Variants in ABTB3 observed in about 807,000 individuals in gnomAD.
The protein encoded by ABTB3 is ankyrin repeat- and BTB/POZ domain-containing protein 3.
chr12:107,324,435 C>G, the ABTB3 span, among the ~76,000 whole-genome samples: 6 of 151,892 alleles, frequency 4.0e-5, no homozygotes, highest in South Asian at 4.2e-4. Context: ...TTGAGACCAG[C>G]TGAAGCAACA....
the ABTB3 span, among the ~76,000 whole-genome samples, chr12:107,507,901 A>G: frequency 3.9e-5 from 6 of 152,240 alleles, no homozygotes; most frequent in Non-Finnish European, 8.8e-5. Flanking sequence ...TGTTTGTGCC[A>G]TCAGTGTAGC....
chr12:107,358,593 CTATT>C, the ABTB3 span, among the ~76,000 whole-genome samples: 13 of 135,848 alleles, frequency 9.6e-5, no homozygotes, highest in East Asian at 2.6e-3. Flanking sequence ...GGTCCACCAT[CTATT>C]TGTTTTTTTT....
At chr12:107,547,876 G>C in the ABTB3 span, among the ~76,000 whole-genome samples, 1 of 152,220 alleles carries the variant, frequency 6.6e-6, no homozygotes, top group Non-Finnish European at 1.5e-5. Flanking sequence ...CCTGGCACAA[G>C]GGGAGCCCCC....
the ABTB3 span, among the ~76,000 whole-genome samples, chr12:107,416,611 G>T: frequency 2.0e-5 from 3 of 152,134 alleles, no homozygotes; most frequent in Non-Finnish European, 4.4e-5. Flanking sequence ...TTGGTTGTCT[G>T]GCCCTGTCGG....
At chr12:107,337,884 G>C in the ABTB3 span, among the ~76,000 whole-genome samples, 1 of 152,204 alleles carries the variant, frequency 6.6e-6, no homozygotes. Context: ...GCAACCACTT[G>C]TCTATCCTCT....
At chr12:107,473,558 G>A in the ABTB3 span, among the ~76,000 whole-genome samples, 1 of 151,786 alleles carries the variant, frequency 6.6e-6, no homozygotes, top group Non-Finnish European at 1.5e-5. Context: ...TTCACCATGT[G>A]GGCCAGGCTG....
chr12:107,458,340 G>A, the ABTB3 span, among the ~76,000 whole-genome samples: 11 of 152,204 alleles, frequency 7.2e-5, no homozygotes, highest in Non-Finnish European at 1.3e-4. Flanking sequence ...CACTCAGTAA[G>A]CAAAGGCAGA....
the ABTB3 span, among the ~76,000 whole-genome samples, chr12:107,480,603 C>G: frequency 6.6e-6 from 1 of 152,056 alleles, no homozygotes; most frequent in Non-Finnish European, 1.5e-5. Context: ...ACAGCTGATC[C>G]CGTTATAAGA....
the ABTB3 span, among the ~76,000 whole-genome samples, chr12:107,477,577 T>G: frequency 6.6e-6 from 1 of 152,166 alleles, no homozygotes; most frequent in South Asian, 2.1e-4. Flanking sequence ...GGACCTGGAA[T>G]TTTTCAAAAA....
At chr12:107,477,143 G>A in the ABTB3 span, among the ~76,000 whole-genome samples, 13 of 152,174 alleles carry the variant, frequency 8.5e-5, no homozygotes, top group Non-Finnish European at 5.9e-5. Flanking sequence ...GCATTGGTGC[G>A]CATGCATTGG....
the ABTB3 span, among the ~76,000 whole-genome samples, chr12:107,329,479 A>C: frequency 5.3e-5 from 8 of 152,234 alleles, no homozygotes; most frequent in Non-Finnish European, 1.0e-4. Context: ...ATCTGTTAAT[A>C]ATCATCATCA....
At chr12:107,470,588 A>T in the ABTB3 span, among the ~76,000 whole-genome samples, 1 of 152,210 alleles carries the variant, frequency 6.6e-6, no homozygotes, top group Non-Finnish European at 1.5e-5. Flanking sequence ...GACCCTTCAT[A>T]GACCTGGATG....
chr12:107,509,287 T>A, the ABTB3 span, among the ~76,000 whole-genome samples: 2 of 152,200 alleles, frequency 1.3e-5, no homozygotes, highest in African/African-American at 4.8e-5. Context: ...GGGAAGGTTC[T>A]TAGGCAGTCT....
the ABTB3 span, among the ~76,000 whole-genome samples, chr12:107,446,385 A>G: frequency 2.0e-5 from 3 of 152,214 alleles, no homozygotes; most frequent in East Asian, 5.8e-4. Flanking sequence ...GATGGTTTAG[A>G]GACTGGGAGG....
the ABTB3 span, among the ~76,000 whole-genome samples, chr12:107,476,141 G>T: frequency 6.6e-6 from 1 of 152,202 alleles, no homozygotes; most frequent in Admixed American, 6.5e-5. Flanking sequence ...AGGGAGGGCA[G>T]TGTAGGGCTG....
At chr12:107,572,498 C>T in the ABTB3 span, among the ~76,000 whole-genome samples, 1 of 152,118 alleles carries the variant, frequency 6.6e-6, no homozygotes, top group Admixed American at 6.5e-5. Context: ...CACCAGCTCC[C>T]TAGGTGATCT....
the ABTB3 span, chr12:107,619,870 C>T: frequency 2.1e-6 from 2 of 942,848 alleles, no homozygotes; most frequent in Non-Finnish European, 3.1e-6. Flanking sequence ...TTAGTAATGT[C>T]CTGGGGAAAA....
chr12:107,622,957 T>C, the ABTB3 span, among the ~76,000 whole-genome samples: 2 of 152,238 alleles, frequency 1.3e-5, no homozygotes, highest in East Asian at 3.8e-4. Flanking sequence ...GTTTCTAAAT[T>C]TGGACTTCAA....
At chr12:107,422,312 TCAGAGAGGGAGATGGGC>T in the ABTB3 span, among the ~76,000 whole-genome samples, 1 of 151,914 alleles carries the variant, frequency 6.6e-6, no homozygotes, top group Non-Finnish European at 1.5e-5. Flanking sequence ...GGGAGATGGG[TCAGAGAGGGAGATGGGC>T]CAGATCTGCA....
Sources: allele counts gnomAD v4.1 joint callset (sites outside exome capture counted in the v4.1 genomes callset), GRCh38; gene constraint gnomAD v4.1.1; transcripts MANE v1.5; gene names NCBI Gene and HGNC (gene_info 2026-07-23, HGNC 2026-07-21).